DCDC2: variants seen among roughly 807,000 people sequenced by gnomAD.
DCDC2 encodes doublecortin domain-containing protein 2.
In DCDC2, 40 loss-of-function variants were observed where a neutral mutation model predicts 50.2. The observed-to-expected ratio is 0.80, with a 90% CI of 0.62 to 1.04. The LOEUF is 1.04. Among genes scored for constraint, DCDC2 ranks in the 50% least tolerant of loss-of-function variants. The pLI is 0.00. For synonymous variants in DCDC2, 234 were observed against 210.6 expected (o/e 1.11, Z -0.96); for missense variants, 570 against 581.9 (o/e 0.98, Z 0.21).
intron 7 of DCDC2, among the ~76,000 whole-genome samples, chr6:24,244,687 C>T (rs954416448): frequency 2.0e-5 from 3 of 152,232 alleles, no homozygotes; most frequent in African/African-American, 4.8e-5. Flanking sequence ...GTCTCCCTCC[C>T]CTAGAGCTTG....
chr6:24,345,325 C>G (rs1471271999), intron 2 of DCDC2, among the ~76,000 whole-genome samples: 1 of 152,106 alleles, frequency 6.6e-6, no homozygotes, highest in Non-Finnish European at 1.5e-5. Flanking sequence ...AGAGATTATG[C>G]CTAATGATTA....
At chr6:24,262,249 C>T (rs144315566) in intron 7 of DCDC2, among the ~76,000 whole-genome samples, 1 of 152,086 alleles carries the variant, frequency 6.6e-6, no homozygotes, top group Non-Finnish European at 1.5e-5. Context: ...CAGAAAGCAA[C>T]ATGGGGCAGA....
At chr6:24,264,783 T>A (rs1581619800) in intron 7 of DCDC2, among the ~76,000 whole-genome samples, 1 of 151,086 alleles carries the variant, frequency 6.6e-6, no homozygotes, top group Non-Finnish European at 1.5e-5. Flanking sequence ...TAAGATTAAA[T>A]GTAAACAGAT....
intron 7 of DCDC2, among the ~76,000 whole-genome samples, chr6:24,269,001 T>C (rs1337915609): frequency 2.0e-5 from 3 of 152,230 alleles, no homozygotes; most frequent in Non-Finnish European, 4.4e-5. Flanking sequence ...AAAGGTATTT[T>C]ACAGATATTT....
intron 2 of DCDC2, among the ~76,000 whole-genome samples, chr6:24,303,885 G>A (rs142059332): frequency 6.6e-5 from 10 of 152,186 alleles, no homozygotes; most frequent in African/African-American, 2.2e-4. Context: ...TATTTGCTAC[G>A]CACTTTGCTA....
intron 8 of DCDC2, among the ~76,000 whole-genome samples, chr6:24,197,954 C>A (rs912479146): frequency 6.6e-6 from 1 of 152,092 alleles, no homozygotes. Flanking sequence ...ACTTTTATTT[C>A]TTCCATCATT....
At chr6:24,257,405 C>G (rs911552951) in intron 7 of DCDC2, among the ~76,000 whole-genome samples, 9 of 152,104 alleles carry the variant, frequency 5.9e-5, no homozygotes, top group African/African-American at 1.7e-4. Context: ...AAAGAGTTCA[C>G]GCACCAGTGG....
At chr6:24,380,176 A>C in the DCDC2 span, among the ~76,000 whole-genome samples, 1 of 152,144 alleles carries the variant, frequency 6.6e-6, no homozygotes, top group Admixed American at 6.5e-5. Flanking sequence ...GTATCCTAGA[A>C]CTTAAAGTAT....
At chr6:24,324,805 C>T (rs1273020517) in intron 2 of DCDC2, among the ~76,000 whole-genome samples, 3 of 151,726 alleles carry the variant, frequency 2.0e-5, no homozygotes, top group Non-Finnish European at 4.4e-5. Flanking sequence ...AAAACTTGAA[C>T]CCAGGTGTTC....
chr6:24,231,701 T>G (rs1462522171), intron 7 of DCDC2, among the ~76,000 whole-genome samples: 2 of 151,840 alleles, frequency 1.3e-5, no homozygotes, highest in Non-Finnish European at 2.9e-5. Flanking sequence ...GCAGGAGACA[T>G]TAAAAAAAAC....
chr6:24,333,650 C>G (rs1322915891), intron 2 of DCDC2, among the ~76,000 whole-genome samples: 1 of 152,142 alleles, frequency 6.6e-6, no homozygotes, highest in African/African-American at 2.4e-5. Context: ...AAGTTTAAGG[C>G]ATTTATCTTT....
At chr6:24,211,849 T>C (rs1761877899) in intron 7 of DCDC2, among the ~76,000 whole-genome samples, 1 of 152,198 alleles carries the variant, frequency 6.6e-6, no homozygotes, top group Non-Finnish European at 1.5e-5. Flanking sequence ...CTGTGTTGTT[T>C]TAAGGCACCA....
chr6:24,198,819 G>T (rs1415838737), intron 8 of DCDC2, among the ~76,000 whole-genome samples: 4 of 152,138 alleles, frequency 2.6e-5, no homozygotes, highest in Admixed American at 6.5e-5. Context: ...CAAGCTTGGT[G>T]GGGGGAGGGA....
At chr6:24,343,265 G>A (rs1267203970) in intron 2 of DCDC2, among the ~76,000 whole-genome samples, 1 of 151,920 alleles carries the variant, frequency 6.6e-6, no homozygotes, top group African/African-American at 2.4e-5. Flanking sequence ...TAGCCAGGAT[G>A]GTCTCGATCT....
intron 2 of DCDC2, among the ~76,000 whole-genome samples, chr6:24,332,424 G>A: frequency 6.6e-6 from 1 of 152,166 alleles, no homozygotes; most frequent in East Asian, 1.9e-4. Flanking sequence ...AGGTGAAGAG[G>A]AGGAACCAGG....
At chr6:24,370,253 G>C in the DCDC2 span, among the ~76,000 whole-genome samples, 1 of 152,112 alleles carries the variant, frequency 6.6e-6, no homozygotes. Flanking sequence ...AATAAGTCTT[G>C]GTGGGAATGT....
At chr6:24,297,810 T>C (rs1759284496) in intron 4 of DCDC2, among the ~76,000 whole-genome samples, 1 of 152,080 alleles carries the variant, frequency 6.6e-6, no homozygotes, top group Non-Finnish European at 1.5e-5. Context: ...GGAGAAAACA[T>C]AGGAGAATAT....
chr6:24,196,961 C>T (rs1045090425), intron 8 of DCDC2, among the ~76,000 whole-genome samples: 2 of 152,126 alleles, frequency 1.3e-5, no homozygotes, highest in South Asian at 2.1e-4. Context: ...AGGATGTAAA[C>T]GTCAGCAGAC....
chr6:24,198,479 G>C (rs1334742937), intron 8 of DCDC2, among the ~76,000 whole-genome samples: 1 of 152,184 alleles, frequency 6.6e-6, no homozygotes, highest in Non-Finnish European at 1.5e-5. Context: ...CAGCCCGGAT[G>C]CTACATTTTC....
Sources: gnomAD v4.1 joint callset for allele counts (sites outside exome capture counted in the v4.1 genomes callset) on GRCh38, gnomAD v4.1.1 for gene constraint, MANE v1.5 for transcripts, NCBI Gene and HGNC (gene_info 2026-07-23, HGNC 2026-07-21) for gene names.